The following DNAAF11 variants were observed in gnomAD, a reference collection of about 807,000 sequenced individuals.
DNAAF11 encodes dynein axonemal assembly factor 11, also known as leucine rich repeat containing 6.
In DNAAF11, 45 loss-of-function variants were observed where a neutral mutation model predicts 60.8. The observed-to-expected ratio is 0.74, with a 90% CI of 0.58 to 0.95. The LOEUF is 0.95. DNAAF11 is among the 40% of genes least tolerant of loss of function. The pLI, the probability that DNAAF11 is intolerant of heterozygous loss-of-function variation, is 0.00. For missense variants in DNAAF11, 546 were observed against 546.2 expected (o/e 1.00, Z 0.00); for synonymous variants, 191 against 183.5 (o/e 1.04, Z -0.33).
intron 5 of DNAAF11, among the ~76,000 whole-genome samples, chr8:132,626,580 C>T (rs1820307137): frequency 6.6e-6 from 1 of 152,116 alleles, no homozygotes; most frequent in Non-Finnish European, 1.5e-5. Context: ...TCTGTTGTGC[C>T]AGGCACCAGA....
intron 10 of DNAAF11, 58 bp from the exon 11 acceptor site, chr8:132,583,837 A>C (rs901645713): frequency 1.6e-5 from 17 of 1,070,886 alleles, no homozygotes; most frequent in Non-Finnish European, 2.5e-5. Flanking sequence ...GTACCTTAAA[A>C]AATATACATA....
chr8:132,620,667 T>C (rs1225680752), intron 7 of DNAAF11, among the ~76,000 whole-genome samples: 1 of 152,086 alleles, frequency 6.6e-6, no homozygotes, highest in Non-Finnish European at 1.5e-5. Context: ...ACCATAAAAC[T>C]AAAGCACAGC....
intron 1 of DNAAF11, among the ~76,000 whole-genome samples, chr8:132,674,197 A>C (rs1384890870): frequency 7.2e-6 from 1 of 138,708 alleles, no homozygotes; most frequent in African/African-American, 3.0e-5. Context: ...GAGGAGGAGA[A>C]GGAGGAGGAG....
At chr8:132,629,458 C>T (rs1230582763) in intron 5 of DNAAF11, among the ~76,000 whole-genome samples, 7 of 151,912 alleles carry the variant, frequency 4.6e-5, no homozygotes, top group Admixed American at 3.9e-4. Flanking sequence ...TGCCATTCTC[C>T]GGCCTCAACC....
intron 10 of DNAAF11, among the ~76,000 whole-genome samples, 181 bp from the exon 11 acceptor site, chr8:132,583,960 A>G (rs1263327418): frequency 1.3e-5 from 2 of 152,096 alleles, no homozygotes; most frequent in East Asian, 3.9e-4. Context: ...CACGAATTGT[A>G]TCTGTTGCAA....
chr8:132,583,082 G>A lies in DNAAF11; in HGVS notation c.1226+612C>T, dbSNP rs180706431. ...TCTAACAGTAGAGGATACCAAGAAG[G>A]GAATGACTACTCTCTTGAGAGGGTG... is the stretch of plus-strand genomic sequence containing the variant. On this transcript the variant is annotated intron_variant, in intron 11 of 11. Coordinates refer to ENST00000620350, the MANE Select transcript of DNAAF11 (RefSeq NM_012472.6). Among the ~76,000 whole-genome samples the A allele has an allele frequency of 1.3e-4, 20 of 152,258 alleles. No homozygotes were observed. The East Asian group carries it at 1.7e-3, about 13-fold the overall frequency.
intron 2 of DNAAF11, among the ~76,000 whole-genome samples, chr8:132,660,053 A>T (rs1464816659): frequency 6.6e-6 from 1 of 152,162 alleles, no homozygotes; most frequent in Non-Finnish European, 1.5e-5. Flanking sequence ...CAGGGCACAC[A>T]GGGGTTGGCA....
chr8:132,629,054 G>A (rs1461119831), intron 5 of DNAAF11, among the ~76,000 whole-genome samples: 1 of 152,044 alleles, frequency 6.6e-6, no homozygotes, highest in Non-Finnish European at 1.5e-5. Context: ...CATGGACAAA[G>A]GATGTTTATC....
chr8:132,573,036 G>C (rs1364552119), intron 11 of DNAAF11, among the ~76,000 whole-genome samples: 3 of 152,028 alleles, frequency 2.0e-5, no homozygotes, highest in African/African-American at 7.3e-5. Context: ...GCAATAGCAA[G>C]CATGAAACAG....
chr8:132,633,174 A>G (rs1820976256), intron 4 of DNAAF11, among the ~76,000 whole-genome samples: 1 of 152,180 alleles, frequency 6.6e-6, no homozygotes, highest in Non-Finnish European at 1.5e-5. Context: ...TAGTAATAAT[A>G]ATAATTAGGT....
At chr8:132,624,953 CTTT>C (rs1164429671) in intron 6 of DNAAF11, among the ~76,000 whole-genome samples, 1 of 152,030 alleles carries the variant, frequency 6.6e-6, no homozygotes, top group Non-Finnish European at 1.5e-5. Context: ...ACAAAATGAC[CTTT>C]TTCTAGGCTA....
At chr8:132,583,643 C>T in intron 11 of DNAAF11, 51 bp downstream of exon 11, 1 of 1,409,466 alleles carries the variant, frequency 7.1e-7, no homozygotes, top group Non-Finnish European at 1.0e-6. Flanking sequence ...CAACAAATGA[C>T]AATGAAGAGA....
At chr8:132,644,617 T>A (rs1197393065) in intron 3 of DNAAF11, among the ~76,000 whole-genome samples, 1 of 152,032 alleles carries the variant, frequency 6.6e-6, no homozygotes, top group East Asian at 1.9e-4. Flanking sequence ...ACCTGGAAAA[T>A]TGGGACACTC....
intron 1 of DNAAF11, among the ~76,000 whole-genome samples, chr8:132,668,432 G>A (rs542309544): frequency 4.9e-4 from 74 of 152,242 alleles, no homozygotes; most frequent in African/African-American, 1.8e-3. Flanking sequence ...AAGCTTCATG[G>A]AGGAGGAGTC....
chr8:132,618,846 G>C (rs1395416461), intron 7 of DNAAF11, among the ~76,000 whole-genome samples: 1 of 152,062 alleles, frequency 6.6e-6, no homozygotes, highest in Non-Finnish European at 1.5e-5. Context: ...TTACACTGTT[G>C]GTGGGACTGT....
intron 4 of DNAAF11, among the ~76,000 whole-genome samples, chr8:132,634,020 C>G (rs937028884): frequency 1.3e-5 from 2 of 151,624 alleles, no homozygotes; most frequent in Admixed American, 6.6e-5. Context: ...CAATTTGTTA[C>G]AGCAGCAATA....
At chr8:132,630,761 A>C (rs924230965) in intron 5 of DNAAF11, among the ~76,000 whole-genome samples, 2 of 152,182 alleles carry the variant, frequency 1.3e-5, no homozygotes, top group African/African-American at 4.8e-5. Flanking sequence ...AAACATATAA[A>C]AGATATTTAA....
intron 10 of DNAAF11, among the ~76,000 whole-genome samples, chr8:132,604,137 G>A (rs1312669108): frequency 2.0e-5 from 3 of 152,180 alleles, no homozygotes; most frequent in Non-Finnish European, 4.4e-5. Flanking sequence ...TAAAAGAGCA[G>A]AAGTATGGAT....
At chr8:132,628,179 C>A (rs138045216) in intron 5 of DNAAF11, among the ~76,000 whole-genome samples, 19 of 152,012 alleles carry the variant, frequency 1.2e-4, no homozygotes, top group Admixed American at 7.2e-4. Flanking sequence ...TTTGGGAGGC[C>A]GAGGTGGGCA....
Sources: gnomAD v4.1 joint callset for allele counts (sites outside exome capture counted in the v4.1 genomes callset) on GRCh38, gnomAD v4.1.1 for gene constraint, MANE v1.5 for transcripts, NCBI Gene and HGNC (gene_info 2026-07-23, HGNC 2026-07-21) for gene names.